LZTR1: variants seen among roughly 807,000 people sequenced by gnomAD.
The protein encoded by LZTR1 is leucine zipper like post translational regulator 1, also known as leucine-zipper-like transcriptional regulator 1.
In LZTR1, 260 loss-of-function variants were observed where a neutral mutation model predicts 105.7. That is an observed-to-expected ratio of 2.46 (90% CI 2.22 to 2.72). LZTR1 has a LOEUF of 2.72. LZTR1 is among the 30% of genes most tolerant of loss of function. The pLI is 0.00. For synonymous variants in LZTR1, 490 were observed against 476.4 expected, an observed-to-expected ratio of 1.03 and a Z score of -0.37; for missense variants, 1,214 against 1,166.9, an observed-to-expected ratio of 1.04 and a Z score of -0.59.
chr22:20,990,536 T>C lies in LZTR1; in HGVS notation c.791+11T>C, dbSNP rs1421333096. On this transcript the variant is annotated intron_variant, in intron 8 of 20. Coordinates refer to ENST00000646124, the MANE Select transcript of LZTR1 (RefSeq NM_006767.4). ...ATTCAAGGACAAGACGTGAGTACTCTGGCCAGTGGGGTGGAGGGAGGACGG... is the reference window on the plus strand; with the variant it reads ...ATTCAAGGACAAGACGTGAGTACTCCGGCCAGTGGGGTGGAGGGAGGACGG... 6.2e-7 allele frequency: 1 copy of C among 1,600,346 alleles called. No individual in the cohort carries two copies. Among genetic ancestry groups the C allele is most frequent in the South Asian group, 1.1e-5 (1 of 89,514 alleles).
At chr22:20,994,470 C>T in intron 14 of LZTR1, 88 bp from the exon 15 acceptor site, 1 of 1,438,680 alleles carries the variant, frequency 7.0e-7, no homozygotes, top group Non-Finnish European at 9.5e-7. Context: ...GTGGCCCCAG[C>T]CCACACTCTT....
In LZTR1 at chr22:20,992,319, C is replaced by T. The variant is rs45572935; in HGVS notation, c.1099C>T (p.Leu367=). 2 of 1,613,976 alleles carry T rather than the reference C, an allele frequency of 1.2e-6. No homozygotes were observed. Among genetic ancestry groups the T allele is most frequent in the South Asian group, 1.1e-5 (1 of 91,086 alleles). ...CAAGAAGTCCCGAGATGTGTTTGGC[C>T]TGGACTTTGGCACCACCTCAGCCAA... ...GFKKSRDVFG[L]DFGTTSAKQP... is the part of the protein sequence containing the mutation. Residue 367 remains leucine (L), a synonymous_variant, in exon 10 of 21, where the codon CTG becomes TTG. Transcript: ENST00000646124.
Position 20,995,958 on chromosome 22 carries a change from TGCA to T in LZTR1, c.2070-2_2070del. On this transcript the variant is annotated splice_acceptor_variant and splice_polypyrimidine_tract_variant and intron_variant, in intron 17 of 20. Transcript: ENST00000646124. LOFTEE classifies it high-confidence loss of function. Reference sequence around the variant, plus strand: ...GGCCAGGTGCCTACCGCTCGTTGTCTGCAGCTACTTTGAAGCCATGTTCCGGTC... The same window carrying T: ...GGCCAGGTGCCTACCGCTCGTTGTCTGCTACTTTGAAGCCATGTTCCGGTC... The T allele has an allele frequency of 6.2e-7, 1 of 1,613,702 alleles. No individual in the cohort carries two copies. The highest frequency in any genetic ancestry group is 8.5e-7 in the Non-Finnish European group (1 of 1,180,016).
At position 20,995,122 on chromosome 22, in the gene LZTR1, C is replaced by T. The variant is rs754364767; in HGVS notation, c.1942+96C>T. On this transcript the variant is annotated intron_variant, in intron 16 of 20. Transcript: ENST00000646124. ...CCATGGAGAGCACCTGCCAGGCCCT[C>T]GGGGTGGGGGTGGGTGCCATGGGAC... 9.3e-5 allele frequency: 131 copies of T among 1,412,518 alleles called. 1 individual carries two copies. The highest frequency in any genetic ancestry group is 1.2e-4 in the Non-Finnish European group (120 of 1,040,540). The allele number at this position is 1,412,518 out of a possible 1,614,324, so 87.5% of individuals were successfully genotyped here. A position where few individuals can be genotyped will look rare whatever the true frequency, so the allele number is the denominator to read the frequency against.
At position 20,988,128 on chromosome 22, in the gene LZTR1, T is replaced by G; in HGVS notation, c.509+10T>G. ...GGAAAATTGAAGGACGGTGAGAAAC[T>G]TTGCAGAAACATTTGGGACAGGCTG... On this transcript the variant is annotated intron_variant, in intron 5 of 20. Transcript: ENST00000646124. 5.7e-6 allele frequency: 9 copies of G among 1,576,488 alleles called. No individual in the cohort carries two copies. The highest frequency in any genetic ancestry group is 7.9e-6 in the Non-Finnish European group (9 of 1,146,100).
chr22:20,996,604 G>C, intron 18 of LZTR1, 92 bp from the exon 19 acceptor site: 1 of 994,172 alleles, frequency 1.0e-6, no homozygotes, highest in Non-Finnish European at 1.6e-6. Context: ...TGGCGTGGGG[G>C]CTTGGGGCTC....
intron 2 of LZTR1, among the ~76,000 whole-genome samples, chr22:20,984,300 C>T (rs2147958365): frequency 6.6e-6 from 1 of 152,274 alleles, no homozygotes; most frequent in African/African-American, 2.4e-5. Flanking sequence ...AAATGTTTGT[C>T]AAATGAAGGA....
intron 8 of LZTR1, chr22:20,990,821 C>A: frequency 2.8e-6 from 1 of 360,818 alleles, no homozygotes; most frequent in Non-Finnish European, 5.1e-6. Context: ...CAGTAACAGA[C>A]GTGGCCTGCA....
rs1924630173 is a variant in LZTR1 at position 20,992,205 on chromosome 22, C to T, written c.994-9C>T. On this transcript the variant is annotated splice_polypyrimidine_tract_variant and intron_variant, in intron 9 of 20. Transcript: ENST00000646124. Reference sequence around the variant, plus strand: ...ACTGGTCTCATGCCCATGTGTCTCCCCTCTTCAGGTTGGTGGGGCTGAAGT... The same window carrying T: ...ACTGGTCTCATGCCCATGTGTCTCCTCTCTTCAGGTTGGTGGGGCTGAAGT... 6.2e-7 allele frequency: 1 copy of T among 1,612,172 alleles called. No homozygotes were observed. Among genetic ancestry groups the T allele is most frequent in the African/African-American group, 1.3e-5 (1 of 75,030 alleles).
At position 20,998,912 on chromosome 22, in the gene LZTR1, C is replaced by G. The variant is rs1924993363; in HGVS notation, c.*1564C>G. The G allele has an allele frequency of 6.6e-6, 1 of 152,334 alleles. No individual in the cohort carries two copies. Among genetic ancestry groups the G allele is most frequent in the African/African-American group, 2.4e-5 (1 of 41,482 alleles). 9.4% of individuals were successfully genotyped at this position (152,334 alleles called of 1,614,324 possible). A position where few individuals can be genotyped will look rare whatever the true frequency, so the allele number is the denominator to read the frequency against. On this transcript the variant is annotated 3_prime_UTR_variant, in exon 21 of 21. Transcript: ENST00000646124. ...TCCTCCAAATCCCTCCTGGAGGGGC[C>G]TACCCAGAAGCCTCCTTGAACCAGT...
intron 4 of LZTR1, 59 bp from the exon 5 acceptor site, chr22:20,987,951 G>A (rs2147961856): frequency 1.9e-6 from 2 of 1,031,698 alleles, no homozygotes; most frequent in East Asian, 2.4e-5. Context: ...CACCTTCCAG[G>A]GTTTGAAATC....
At position 20,992,913 on chromosome 22, in the gene LZTR1, C is replaced by A. The variant is rs1403811087; in HGVS notation, c.1260+9C>A. The A allele has an allele frequency of 1.9e-6, 3 of 1,556,920 alleles. No homozygotes were observed. Among genetic ancestry groups the A allele is most frequent in the Non-Finnish European group, 2.6e-6 (3 of 1,139,760 alleles). ...AGATGTACAGGTTCCAGGTGTGGGG[C>A]CTGTGGGCCTGTAGAGCCGGCTGGG... is the stretch of plus-strand genomic sequence containing the variant. On this transcript the variant is annotated intron_variant, in intron 11 of 20. Transcript: ENST00000646124.
At chr22:20,986,410 A>G (rs1278484399) in intron 3 of LZTR1, 1 of 149,038 alleles carries the variant, frequency 6.7e-6, no homozygotes, top group Non-Finnish European at 1.5e-5. Flanking sequence ...AGATAGATAG[A>G]TAGATAGAAA....
Position 20,991,738 on chromosome 22 carries a change from G to T in LZTR1, c.902G>T (p.Gly301Val). ...GACCGCCACCTCTATGTGTTTGGGG[G>T]TGCGGCCGACAACACGCTGCCCAAC... ...AFDRHLYVFG[G>V]AADNTLPNEL... The change falls in exon 9 of 21, where the codon GGT becomes GTT. Residue 301 changes from glycine to valine, a missense_variant. Transcript: ENST00000646124. 3 of 1,574,358 alleles carry T rather than the reference G, an allele frequency of 1.9e-6. No individual in the cohort carries two copies. The highest frequency in any genetic ancestry group is 8.6e-7 in the Non-Finnish European group (1 of 1,160,028).
intron 5 of LZTR1, 66 bp from the exon 6 acceptor site, chr22:20,988,723 T>C: frequency 8.3e-7 from 1 of 1,209,142 alleles, no homozygotes; most frequent in Non-Finnish European, 1.2e-6. Context: ...ACTGACCACA[T>C]GGGGCTGGGT....
Position 20,982,321 on chromosome 22 carries a change from C to T in LZTR1, c.-51C>T, listed in dbSNP as rs1189523281. On this transcript the variant is annotated 5_prime_UTR_variant, in exon 1 of 21. Transcript: ENST00000646124. ...TGTGGTTTCTCCAGCCGGCCCGGGG[C>T]GGTGGCCGCAAGTTGGGCTTACAGC... is the stretch of plus-strand genomic sequence containing the variant. 50 of 1,397,038 alleles carry T rather than the reference C, an allele frequency of 3.6e-5. 1 individual carries two copies. The highest frequency in any genetic ancestry group is 4.8e-5 in the Non-Finnish European group (49 of 1,031,440). 86.5% of individuals were successfully genotyped at this position (1,397,038 alleles called of 1,614,324 possible).
At chr22:20,989,596 G>A in intron 6 of LZTR1, 29 bp from the exon 7 acceptor site, 1 of 1,603,064 alleles carries the variant, frequency 6.2e-7, no homozygotes, top group South Asian at 1.1e-5. Context: ...CCAGACCCAA[G>A]GGGTCCTCAC....
At chr22:20,987,665 G>T in intron 4 of LZTR1, 82 bp downstream of exon 4, 1 of 1,284,654 alleles carries the variant, frequency 7.8e-7, no homozygotes, top group Non-Finnish European at 1.1e-6. Context: ...TGGGGCATTT[G>T]TGCTCGTGCT....
chr22:20,997,294 C>CT lies in LZTR1; in HGVS notation c.2469_2470insT (p.Leu824SerfsTer27). On this transcript the variant is annotated frameshift_variant, in exon 21 of 21. Coordinates refer to ENST00000646124, the MANE Select transcript of LZTR1 (RefSeq NM_006767.4). LOFTEE classifies it high-confidence loss of function. ...AGCTGCTGCTGGACATCATAGACTCCCTGGCCTCCCACATCTCAGACAAGC... is the reference window on the plus strand; with the variant it reads ...AGCTGCTGCTGGACATCATAGACTCCTCTGGCCTCCCACATCTCAGACAAGC... 6.2e-7 allele frequency: 1 copy of CT among 1,613,854 alleles called. No individual in the cohort carries two copies. The highest frequency in any genetic ancestry group is 8.5e-7 in the Non-Finnish European group (1 of 1,180,010).
Sources: allele counts gnomAD v4.1 joint callset (sites outside exome capture counted in the v4.1 genomes callset), GRCh38; gene constraint gnomAD v4.1.1; transcripts MANE v1.5; gene names NCBI Gene and HGNC (gene_info 2026-07-23, HGNC 2026-07-21).